EPHA4: variants seen among roughly 807,000 people sequenced by gnomAD.
EPHA4 encodes the protein EPH receptor A4.
EPHA4 carries 19 observed loss-of-function variants against 108.3 expected under a neutral mutation model. The observed-to-expected ratio is 0.18, with a 90% CI of 0.12 to 0.26. The LOEUF (loss-of-function observed/expected upper bound fraction) is 0.26, where lower values mean the gene tolerates loss of function less well. Ranked by LOEUF, EPHA4 falls within the 10% of genes least tolerant of loss-of-function variation. The pLI, the probability that EPHA4 is intolerant of heterozygous loss-of-function variation, is 1.00. For synonymous variants in EPHA4, 449 were observed against 455.5 expected, an observed-to-expected ratio of 0.99 and a Z score of 0.18; for missense variants, 917 against 1,254.0, an observed-to-expected ratio of 0.73 and a Z score of 4.06.
chr2:221,548,318 C>G (rs1230577225), intron 3 of EPHA4, among the ~76,000 whole-genome samples: 1 of 151,828 alleles, frequency 6.6e-6, no homozygotes, highest in Non-Finnish European at 1.5e-5. Context: ...GATCACAGAT[C>G]GCACCACTGC....
intron 3 of EPHA4, among the ~76,000 whole-genome samples, chr2:221,563,079 T>C (rs1490699817): frequency 6.6e-6 from 1 of 152,200 alleles, no homozygotes; most frequent in Admixed American, 6.5e-5. Context: ...CTTGCTTAAT[T>C]ACCACCTCCT....
chr2:221,566,699 T>C lies in EPHA4; in HGVS notation c.159+2019A>G, dbSNP rs530682134. Among the ~76,000 whole-genome samples the C allele has an allele frequency of 1.1e-4, 17 of 151,492 alleles. No homozygotes were observed. The South Asian group carries it at 2.7e-3, about 24-fold the overall frequency. ...GTATACAGTCAGCTCTGCATAGTTTTAAATAGACCTCAAGTCAACCAAGAT... is the reference window on the plus strand; with the variant it reads ...GTATACAGTCAGCTCTGCATAGTTTCAAATAGACCTCAAGTCAACCAAGAT... On this transcript the variant is annotated intron_variant, in intron 2 of 17. Transcript: ENST00000281821.
chr2:221,419,236 A>G lies in EPHA4; in HGVS notation c.*2136T>C, dbSNP rs1353164968. 1 of 152,602 alleles carries G rather than the reference A, an allele frequency of 6.6e-6. No individual in the cohort carries two copies. 9.5% of individuals were successfully genotyped at this position (152,602 alleles called of 1,614,324 possible). A position where few individuals can be genotyped will look rare whatever the true frequency, so the allele number is the denominator to read the frequency against. On this transcript the variant is annotated 3_prime_UTR_variant, in exon 18 of 18. Coordinates refer to ENST00000281821, the MANE Select transcript of EPHA4 (RefSeq NM_004438.5). The stretch of plus-strand genomic sequence containing the variant: ...TCACACTCCGGAGCTCCGATTCTAG[A>G]AGGCTGATGCTCTTGTGAGGGCAAC...
chr2:221,472,774 T>C (rs1691529892), intron 5 of EPHA4, among the ~76,000 whole-genome samples: 1 of 152,206 alleles, frequency 6.6e-6, no homozygotes, highest in Non-Finnish European at 1.5e-5. Context: ...CGTGTCTCTA[T>C]AATTTTACAC....
intron 4 of EPHA4, among the ~76,000 whole-genome samples, chr2:221,484,644 T>C (rs1691929381): frequency 6.6e-6 from 1 of 152,196 alleles, no homozygotes; most frequent in Non-Finnish European, 1.5e-5. Flanking sequence ...TTTGAATAAA[T>C]GAAGTACATA....
chr2:221,449,321 G>T (rs1690698463), intron 8 of EPHA4, among the ~76,000 whole-genome samples: 1 of 152,152 alleles, frequency 6.6e-6, no homozygotes, highest in African/African-American at 2.4e-5. Context: ...CACCACTGGG[G>T]CAGCCAGCCT....
chr2:221,478,220 CA>C (rs75032748), intron 5 of EPHA4, among the ~76,000 whole-genome samples: 102 of 149,512 alleles, frequency 6.8e-4, no homozygotes, highest in African/African-American at 2.3e-3. Flanking sequence ...GCCTTTTTAA[CA>C]AAAAAAAAAT....
chr2:221,461,652 G>T (rs570743763), intron 5 of EPHA4, among the ~76,000 whole-genome samples: 131 of 152,284 alleles, frequency 8.6e-4, no homozygotes, highest in African/African-American at 3.0e-3. Flanking sequence ...GAGGGGGAAT[G>T]GGTAAGCATG....
intron 8 of EPHA4, among the ~76,000 whole-genome samples, chr2:221,447,504 C>T (rs1261122865): frequency 6.6e-6 from 1 of 152,144 alleles, no homozygotes; most frequent in African/African-American, 2.4e-5. Flanking sequence ...CATGCTCCAA[C>T]CTTCCCTCCC....
rs1056789018 is a variant in EPHA4 at position 221,425,412 on chromosome 2, T to C, written c.*616A>G. 6.5e-6 allele frequency: 1 copy of C among 152,872 alleles called. No individual in the cohort carries two copies. The highest frequency in any genetic ancestry group is 6.5e-5 in the Admixed American group (1 of 15,298). 9.5% of individuals were successfully genotyped at this position (152,872 alleles called of 1,614,324 possible). ...ATGGGGCTTGGGTTACGTATATATA[T>C]ATTTTAAATCCACTTTCCCTTTCTT... is the stretch of plus-strand genomic sequence containing the variant. On this transcript the variant is annotated 3_prime_UTR_variant, in exon 17 of 18. Coordinates refer to ENST00000281821, the MANE Select transcript of EPHA4 (RefSeq NM_004438.5).
chr2:221,490,175 G>A (rs1692098681), intron 4 of EPHA4, among the ~76,000 whole-genome samples: 1 of 142,702 alleles, frequency 7.0e-6, no homozygotes, highest in Non-Finnish European at 1.5e-5. Context: ...CACTGCCATA[G>A]CACTTTTGTA....
At chr2:221,492,094 A>C (rs917244324) in intron 4 of EPHA4, among the ~76,000 whole-genome samples, 5 of 152,198 alleles carry the variant, frequency 3.3e-5, no homozygotes, top group African/African-American at 9.7e-5. Context: ...CATGCTGTGA[A>C]TAACCACTGT....
intron 3 of EPHA4, among the ~76,000 whole-genome samples, chr2:221,562,563 G>T (rs1248761228): frequency 1.3e-5 from 2 of 152,166 alleles, no homozygotes; most frequent in Non-Finnish European, 2.9e-5. Context: ...GAACCATGTG[G>T]CAATGCCATC....
chr2:221,534,849 G>T lies in EPHA4; in HGVS notation c.823+28882C>A, dbSNP rs541189832. On this transcript the variant is annotated intron_variant, in intron 3 of 17. Transcript: ENST00000281821. Reference sequence around the variant, plus strand: ...GTAAATAACTCAACTCTTTCCAGTCGACAGAGGTGCTCTTCACTTGAGCAT... The same window carrying T: ...GTAAATAACTCAACTCTTTCCAGTCTACAGAGGTGCTCTTCACTTGAGCAT... Among the ~76,000 whole-genome samples the T allele has an allele frequency of 3.3e-5, 5 of 152,276 alleles. No individual in the cohort carries two copies. In the South Asian group the frequency reaches 1.0e-3, roughly 32 times the overall value.
At chr2:221,461,723 T>C (rs766222381) in intron 5 of EPHA4, among the ~76,000 whole-genome samples, 1 of 152,178 alleles carries the variant, frequency 6.6e-6, no homozygotes, top group Non-Finnish European at 1.5e-5. Context: ...TAGCCTCTTC[T>C]TAACTAAAAG....
chr2:221,543,987 T>A (rs1475494203), intron 3 of EPHA4, among the ~76,000 whole-genome samples: 2 of 152,170 alleles, frequency 1.3e-5, no homozygotes, highest in Non-Finnish European at 2.9e-5. Flanking sequence ...AGGGCTCGAT[T>A]TCTGGCTCCT....
chr2:221,436,039 T>A (rs1690222579), intron 13 of EPHA4, among the ~76,000 whole-genome samples: 1 of 151,976 alleles, frequency 6.6e-6, no homozygotes. Context: ...CAGTAATTGA[T>A]CATTTGTTGT....
Position 221,436,506 on chromosome 2 carries a change from G to T in EPHA4, c.2239C>A (p.Leu747Met). ...LSDMSYVHRD[L>M]AARNILVNSN... is the part of the protein sequence containing the mutation. ...TTCACCAGGATGTTCCGTGCGGCCA[G>T]ATCACGATGCACATAGCTCATATCA... The change falls in exon 13 of 18, where the codon CTG becomes ATG. Residue 747 changes from leucine to methionine, a missense_variant. This residue lies in a region of EPHA4 where 758 missense variants were observed against 1,076.7 expected (regional missense o/e 0.70). Coordinates refer to ENST00000281821, the MANE Select transcript of EPHA4 (RefSeq NM_004438.5). 6.2e-7 allele frequency: 1 copy of T among 1,614,136 alleles called. No homozygotes were observed. The highest frequency in any genetic ancestry group is 8.5e-7 in the Non-Finnish European group (1 of 1,180,032).
intron 9 of EPHA4, among the ~76,000 whole-genome samples, chr2:221,444,391 C>T (rs917235241): frequency 6.6e-6 from 1 of 152,162 alleles, no homozygotes; most frequent in East Asian, 1.9e-4. Context: ...CTGGCACTTG[C>T]ACCTCTCCCT....
Sources: gnomAD v4.1 joint callset for allele counts (sites outside exome capture counted in the v4.1 genomes callset) on GRCh38, gnomAD v4.1.1 for gene constraint, gnomAD v4.1.1 regional missense constraint, MANE v1.5 for transcripts, NCBI Gene and HGNC (gene_info 2026-07-23, HGNC 2026-07-21) for gene names.